TAFA2: variants seen among roughly 807,000 people sequenced by gnomAD.
TAFA2 encodes chemokine-like protein TAFA-2.
TAFA2 carries 7 observed loss-of-function variants against 18.8 expected under a neutral mutation model. That is an observed-to-expected ratio of 0.37 (90% CI 0.21 to 0.70). The LOEUF (loss-of-function observed/expected upper bound fraction) is 0.70. Ranked by LOEUF, TAFA2 falls within the 30% of genes least tolerant of loss-of-function variation. TAFA2 has a pLI of 0.53. For missense variants in TAFA2, 122 were observed against 158.1 expected, an observed-to-expected ratio of 0.77 and a Z score of 1.23; for synonymous variants, 60 against 54.2, an observed-to-expected ratio of 1.11 and a Z score of -0.47.
chr12:61,821,128 TAC>T (rs3034059), intron 2 of TAFA2, among the ~76,000 whole-genome samples: 21,753 of 146,402 alleles, frequency 0.15, 1,722 homozygotes, highest in East Asian at 0.27. Flanking sequence ...TTGATAGGGG[TAC>T]ACACACACAC....
chr12:62,199,081 G>A (rs1416038768), intron 1 of TAFA2, among the ~76,000 whole-genome samples: 1 of 152,172 alleles, frequency 6.6e-6, no homozygotes, highest in Admixed American at 6.5e-5. Context: ...ACTCGGTTGG[G>A]CTTACTCATG....
chr12:62,049,758 T>C (rs1882001958), intron 1 of TAFA2, among the ~76,000 whole-genome samples: 1 of 152,166 alleles, frequency 6.6e-6, no homozygotes, highest in South Asian at 2.1e-4. Context: ...ATGTATTATA[T>C]TGTGTATGTA....
At chr12:61,915,135 C>T (rs554135726) in intron 1 of TAFA2, among the ~76,000 whole-genome samples, 11 of 151,962 alleles carry the variant, frequency 7.2e-5, no homozygotes, top group South Asian at 6.3e-4. Flanking sequence ...CTCTCCAGCC[C>T]GGGCAACAGA....
chr12:61,831,382 G>C (rs1398372906), intron 2 of TAFA2, among the ~76,000 whole-genome samples: 1 of 151,968 alleles, frequency 6.6e-6, no homozygotes, highest in East Asian at 1.9e-4. Flanking sequence ...TCAACTTCTT[G>C]AGTAGTAAAA....
At chr12:61,716,848 A>G (rs763466723) in intron 4 of TAFA2, among the ~76,000 whole-genome samples, 1 of 152,224 alleles carries the variant, frequency 6.6e-6, no homozygotes, top group African/African-American at 2.4e-5. Context: ...AAGAGGAGGC[A>G]GAAGGATTAA....
intron 1 of TAFA2, among the ~76,000 whole-genome samples, chr12:61,997,679 A>G (rs1004834228): frequency 1.3e-5 from 2 of 152,176 alleles, no homozygotes; most frequent in Non-Finnish European, 2.9e-5. Flanking sequence ...GAAACACTAA[A>G]CAGCAATCCA....
intron 1 of TAFA2, among the ~76,000 whole-genome samples, chr12:62,183,474 C>T (rs1195039421): frequency 6.6e-6 from 1 of 152,218 alleles, no homozygotes; most frequent in Non-Finnish European, 1.5e-5. Flanking sequence ...GCCTCAACCT[C>T]CTGGGCTCAA....
chr12:61,919,877 G>A (rs1876980519), intron 1 of TAFA2, among the ~76,000 whole-genome samples: 1 of 152,054 alleles, frequency 6.6e-6, no homozygotes. Flanking sequence ...AAAACAGTAA[G>A]TTCTGATTCA....
intron 1 of TAFA2, among the ~76,000 whole-genome samples, chr12:62,152,014 AT>A (rs1352258749): frequency 6.6e-6 from 1 of 152,178 alleles, no homozygotes; most frequent in East Asian, 1.9e-4. Context: ...TAAAGTGGAC[AT>A]TTTTGATTTA....
chr12:61,879,216 T>A (rs1346272510), intron 1 of TAFA2: 1 of 357,316 alleles, frequency 2.8e-6, no homozygotes, highest in African/African-American at 2.1e-5. Flanking sequence ...GGCCCAAAGT[T>A]CTTTCCATTA....
chr12:62,056,910 T>C (rs80225023), intron 1 of TAFA2, among the ~76,000 whole-genome samples: 3,635 of 152,296 alleles, frequency 0.024, 145 homozygotes, highest in African/African-American at 0.082. Context: ...TTAGCTAGCA[T>C]TTTGTTTAAA....
intron 1 of TAFA2, among the ~76,000 whole-genome samples, chr12:62,181,456 G>A (rs2062551288): frequency 6.6e-6 from 1 of 152,164 alleles, no homozygotes; most frequent in Non-Finnish European, 1.5e-5. Flanking sequence ...TATAAGCAAA[G>A]CTATTCTATA....
intron 2 of TAFA2, among the ~76,000 whole-genome samples, chr12:61,759,180 C>A (rs1174344760): frequency 2.0e-5 from 3 of 151,992 alleles, no homozygotes; most frequent in Non-Finnish European, 4.4e-5. Context: ...AAATTTATTT[C>A]TATTTTGCCT....
chr12:61,933,580 G>A (rs1331128895), intron 1 of TAFA2, among the ~76,000 whole-genome samples: 1 of 152,090 alleles, frequency 6.6e-6, no homozygotes, highest in East Asian at 1.9e-4. Context: ...CAGGAGTGGT[G>A]GTGCACACCT....
intron 1 of TAFA2, among the ~76,000 whole-genome samples, chr12:61,933,524 C>A (rs1877647100): frequency 6.6e-6 from 1 of 151,984 alleles, no homozygotes; most frequent in Non-Finnish European, 1.5e-5. Flanking sequence ...CCAGCCTGGG[C>A]AATTATAGCA....
chr12:61,855,996 A>C lies in TAFA2; in HGVS notation c.106+11324T>G, dbSNP rs371887570. The stretch of plus-strand genomic sequence containing the variant: ...AAGGTTTCACTCAATATTAAAAGAC[A>C]CAAAGACACAAAACCCATGTCTATC... On this transcript the variant is annotated intron_variant, in intron 2 of 4. Transcript: ENST00000416284. Among the ~76,000 whole-genome samples, 5 of 152,186 alleles carry C rather than the reference A, an allele frequency of 3.3e-5. No individual in the cohort carries two copies. In the East Asian group the frequency reaches 9.6e-4, roughly 29 times the overall value.
intron 1 of TAFA2, among the ~76,000 whole-genome samples, chr12:62,124,301 T>TAA (rs3031081): frequency 0.17 from 25,638 of 147,208 alleles, 2,405 homozygotes; most frequent in East Asian, 0.37. Context: ...CTGAGGAAGT[T>TAA]AAAAAAAAAA....
intron 1 of TAFA2, among the ~76,000 whole-genome samples, chr12:61,939,470 A>C (rs1398523478): frequency 6.6e-6 from 1 of 152,222 alleles, no homozygotes; most frequent in Non-Finnish European, 1.5e-5. Flanking sequence ...GAATTAGTCA[A>C]ACTTTCTAAT....
At chr12:62,227,723 A>G (rs1345665120) in intron 1 of TAFA2, among the ~76,000 whole-genome samples, 2 of 152,160 alleles carry the variant, frequency 1.3e-5, no homozygotes, top group East Asian at 1.9e-4. Flanking sequence ...AGCGTTTCCC[A>G]AAGTTTTCTT....
Sources: allele counts gnomAD v4.1 joint callset (sites outside exome capture counted in the v4.1 genomes callset), GRCh38; gene constraint gnomAD v4.1.1; transcripts MANE v1.5; gene names NCBI Gene and HGNC (gene_info 2026-07-23, HGNC 2026-07-21).